VWA3B: variants seen among roughly 807,000 people sequenced by gnomAD.
VWA3B encodes von Willebrand factor A domain-containing protein 3B.
A neutral mutation model predicts 158.3 loss-of-function variants in VWA3B; 138 were observed. That is an observed-to-expected ratio of 0.87 (90% confidence interval 0.76 to 1.00). The LOEUF is 1.00. Among genes scored for constraint, VWA3B ranks in the 50% least tolerant of loss-of-function variants. The pLI, the probability that VWA3B is intolerant of heterozygous loss-of-function variation, is 0.00. For missense variants in VWA3B, 1,555 were observed against 1,565.1 expected, an observed-to-expected ratio of 0.99 and a Z score of 0.11; for synonymous variants, 596 against 587.3, an observed-to-expected ratio of 1.01 and a Z score of -0.21.
rs772587782 is a variant in VWA3B at position 98,230,064 on chromosome 2, T to C, written c.2165T>C (p.Ile722Thr). ...AATCAAAACAGGCATCAAAAGGAAATCTGTTCTATGATTTCAACCCCAGAA... is the reference window on the plus strand; with the variant it reads ...AATCAAAACAGGCATCAAAAGGAAACCTGTTCTATGATTTCAACCCCAGAA... Reference protein sequence around the residue: ...KDGDSKHQKEICSMISTPEKC... With the variant: ...KDGDSKHQKETCSMISTPEKC... Residue 722 changes from isoleucine (I) to threonine (T), a missense_variant, in exon 16 of 28, where the codon ATC becomes ACC. Ile to Thr is a moderately conservative substitution (Grantham distance 89). Coordinates refer to ENST00000477737, the MANE Select transcript of VWA3B (RefSeq NM_144992.5). The C allele has an allele frequency of 5.4e-5, 85 of 1,576,408 alleles. No homozygotes were observed. Among genetic ancestry groups the C allele is most frequent in the Non-Finnish European group, 6.8e-5 (80 of 1,169,882 alleles).
chr2:98,118,342 T>G (rs1674690890), intron 3 of VWA3B, among the ~76,000 whole-genome samples: 2 of 152,024 alleles, frequency 1.3e-5, no homozygotes, highest in Admixed American at 6.6e-5. Flanking sequence ...GACAGACACA[T>G]GGGACAGGGA....
intron 7 of VWA3B, among the ~76,000 whole-genome samples, chr2:98,162,013 C>T (rs1325313885): frequency 3.9e-5 from 6 of 152,176 alleles, no homozygotes; most frequent in Non-Finnish European, 8.8e-5. Context: ...CCAGCCTGCC[C>T]ATCTATTCTT....
intron 4 of VWA3B, 138 bp from the exon 5 acceptor site, chr2:98,121,161 C>A: frequency 1.8e-6 from 2 of 1,086,792 alleles, no homozygotes; most frequent in Non-Finnish European, 2.6e-6. Context: ...CATCAGAGGG[C>A]TGGGAGCTAT....
intron 6 of VWA3B, among the ~76,000 whole-genome samples, chr2:98,130,452 C>T (rs940724138): frequency 1.3e-5 from 2 of 152,200 alleles, no homozygotes; most frequent in Admixed American, 6.5e-5. Context: ...AGGTCTTTCC[C>T]TTCCCACGAG....
intron 7 of VWA3B, among the ~76,000 whole-genome samples, chr2:98,138,159 T>C (rs1315686462): frequency 1.3e-5 from 2 of 152,214 alleles, no homozygotes; most frequent in Non-Finnish European, 2.9e-5. Flanking sequence ...CTGCCATCTC[T>C]TGGGCCATGT....
intron 12 of VWA3B, among the ~76,000 whole-genome samples, 167 bp from the exon 13 acceptor site, chr2:98,211,763 C>T (rs924562798): frequency 1.7e-4 from 26 of 152,182 alleles, no homozygotes; most frequent in African/African-American, 5.8e-4. Context: ...GCATACCCTG[C>T]GATATGTTTC....
chr2:98,314,537 A>T (rs978998174), downstream of VWA3B, among the ~76,000 whole-genome samples: 1 of 152,238 alleles, frequency 6.6e-6, no homozygotes. Context: ...CAGCCTAACA[A>T]AGCTGAAAAG....
At chr2:98,318,077 G>A (rs1691126259), downstream of VWA3B, among the ~76,000 whole-genome samples, 2 of 152,178 alleles carry the variant, frequency 1.3e-5, no homozygotes, top group African/African-American at 4.8e-5. Flanking sequence ...AATAACAGAT[G>A]CTGGTGAGGT....
chr2:98,308,754 T>C (rs932836486), intron 26 of VWA3B, among the ~76,000 whole-genome samples: 3 of 152,236 alleles, frequency 2.0e-5, no homozygotes, highest in Admixed American at 6.5e-5. Flanking sequence ...TCAGGCCGCC[T>C]GAACTGAATA....
chr2:98,127,459 C>T (rs1219071087), intron 5 of VWA3B, among the ~76,000 whole-genome samples: 8 of 151,982 alleles, frequency 5.3e-5, no homozygotes, highest in Non-Finnish European at 1.0e-4. Context: ...GCAGGAGGGG[C>T]GGCCGCCCTG....
intron 26 of VWA3B, 21 bp from the exon 27 acceptor site, chr2:98,311,798 C>G (rs1335548972): frequency 1.9e-6 from 3 of 1,567,990 alleles, no homozygotes; most frequent in African/African-American, 2.7e-5. Flanking sequence ...CAGGGTAACC[C>G]TGATCTCTCT....
At chr2:98,151,350 C>T (rs927020220) in intron 7 of VWA3B, among the ~76,000 whole-genome samples, 3 of 152,190 alleles carry the variant, frequency 2.0e-5, no homozygotes. Context: ...AGTGATCCGC[C>T]TGCCTCGGCC....
chr2:98,316,109 C>T (rs570132803), downstream of VWA3B, among the ~76,000 whole-genome samples: 1 of 152,262 alleles, frequency 6.6e-6, no homozygotes, highest in East Asian at 1.9e-4. Flanking sequence ...CAATATGTAA[C>T]TTTGTTTTTG....
At chr2:98,180,423 C>G (rs1284118927) in intron 8 of VWA3B, among the ~76,000 whole-genome samples, 2 of 152,232 alleles carry the variant, frequency 1.3e-5, no homozygotes, top group African/African-American at 4.8e-5. Context: ...AACTCCTGAC[C>G]TCAGGTGATC....
At position 98,187,664 on chromosome 2, in the gene VWA3B, CTGTGTGTGTGTGTGTGTGTGTGTG is replaced by C. The variant is rs3066239; in HGVS notation, c.1312-295_1312-272del. On this transcript the variant is annotated intron_variant, in intron 9 of 27. Transcript: ENST00000477737. ...TCCCTCTCCCTCTCCGTCTCTGTGT[CTGTGTGTGTGTGTGTGTGTGTGTG>C]TGTGTGTGTGTGTGTCGGTTGGGGG... 3.7e-4 allele frequency among the ~76,000 whole-genome samples: 53 copies of C among 141,796 alleles called. No individual in the cohort carries two copies. The East Asian group carries it at 6.2e-3, about 17-fold the overall frequency. The allele number at this position is 141,796 out of a possible 152,430, so 93.0% of individuals were successfully genotyped here. A position where few individuals can be genotyped will look rare whatever the true frequency, so the allele number is the denominator to read the frequency against.
downstream of VWA3B, among the ~76,000 whole-genome samples, chr2:98,314,446 A>G (rs550890797): frequency 5.9e-5 from 9 of 152,362 alleles, no homozygotes; most frequent in Admixed American, 2.0e-4. Flanking sequence ...AATATTATTC[A>G]TGGGGCATCG....
At chr2:98,150,354 G>A (rs187210071) in intron 7 of VWA3B, among the ~76,000 whole-genome samples, 124 of 152,320 alleles carry the variant, frequency 8.1e-4, no homozygotes, top group African/African-American at 2.6e-3. Flanking sequence ...AACGTGAGCC[G>A]CTTAGGTGGT....
At chr2:98,133,989 A>G (rs1398498219) in intron 7 of VWA3B, 50 bp downstream of exon 7, 2 of 1,478,184 alleles carry the variant, frequency 1.4e-6, no homozygotes, top group Non-Finnish European at 1.9e-6. Context: ...GAATAGCCTC[A>G]GACGACGTGG....
At chr2:98,207,251 C>T in intron 12 of VWA3B, 2 of 515,164 alleles carry the variant, frequency 3.9e-6, no homozygotes, top group Admixed American at 2.1e-5. Flanking sequence ...GACTCGACTG[C>T]CTCTGCTACT....
Sources: allele counts gnomAD v4.1 joint callset (sites outside exome capture counted in the v4.1 genomes callset), GRCh38; gene constraint gnomAD v4.1.1; transcripts MANE v1.5; gene names NCBI Gene and HGNC (gene_info 2026-07-23, HGNC 2026-07-21).